Variants in L3MBTL4 observed in about 807,000 individuals in gnomAD.
The protein encoded by L3MBTL4 is lethal(3)malignant brain tumor-like protein 4.
L3MBTL4 carries 70 observed loss-of-function variants against 84.5 expected under a neutral mutation model. That is an observed-to-expected ratio of 0.83 (90% confidence interval 0.68 to 1.01). L3MBTL4 has a LOEUF of 1.01. Among genes scored for constraint, L3MBTL4 ranks in the 50% least tolerant of loss-of-function variants. The probability of loss-of-function intolerance (pLI) is 0.00; values close to 1 mark genes in which losing one functional copy is unlikely to be tolerated. For missense variants in L3MBTL4, 715 were observed against 754.8 expected, an observed-to-expected ratio of 0.95 and a Z score of 0.62; for synonymous variants, 274 against 259.8, an observed-to-expected ratio of 1.05 and a Z score of -0.52.
chr18:6,151,021 G>T (rs79026931), intron 13 of L3MBTL4, among the ~76,000 whole-genome samples: 1,554 of 152,240 alleles, frequency 0.01, 20 homozygotes, highest in Non-Finnish European at 0.015. Context: ...CAAGGTCAGA[G>T]GCCACAGACA....
chr18:6,268,946 A>T (rs1024435081), intron 4 of L3MBTL4, among the ~76,000 whole-genome samples: 2 of 152,174 alleles, frequency 1.3e-5, no homozygotes, highest in African/African-American at 2.4e-5. Flanking sequence ...AAGCTCATGG[A>T]GATCACACAG....
chr18:6,019,126 G>C (rs186405510), intron 16 of L3MBTL4, among the ~76,000 whole-genome samples: 3 of 152,302 alleles, frequency 2.0e-5, no homozygotes, highest in Admixed American at 2.0e-4. Flanking sequence ...ATGCATTTCT[G>C]CTGCTTCACG....
intron 1 of L3MBTL4, among the ~76,000 whole-genome samples, chr18:6,329,216 CG>C (rs2051892710): frequency 7.1e-6 from 1 of 140,742 alleles, no homozygotes; most frequent in Non-Finnish European, 1.5e-5. Flanking sequence ...TGCAGTGGTG[CG>C]ATCTCGGCTC....
At chr18:6,334,448 G>A (rs1362734279) in intron 1 of L3MBTL4, among the ~76,000 whole-genome samples, 2 of 151,998 alleles carry the variant, frequency 1.3e-5, no homozygotes, top group Non-Finnish European at 2.9e-5. Flanking sequence ...AGGTGACAAA[G>A]TTTTTTTAAA....
intron 5 of L3MBTL4, chr18:6,258,631 G>C (rs1599372917): frequency 6.6e-6 from 1 of 152,280 alleles, no homozygotes; most frequent in East Asian, 1.9e-4. Context: ...ATCAGATGGT[G>C]AGATTAAAGT....
At chr18:5,991,587 G>A (rs515938) in intron 16 of L3MBTL4, among the ~76,000 whole-genome samples, 3 of 151,948 alleles carry the variant, frequency 2.0e-5, no homozygotes, top group Admixed American at 6.6e-5. Context: ...TAACTAGAGC[G>A]AGGAAAGAGG....
At position 6,296,229 on chromosome 18, in the gene L3MBTL4, C is replaced by T. The variant is rs1181101321; in HGVS notation, c.127+5674G>A. On this transcript the variant is annotated intron_variant, in intron 4 of 18. Transcript: ENST00000317931. ...AGAATCATTTAATAAGCCATATCCC[C>T]CGGCACCAAAACTACTCCCTGATAA... 2.6e-5 allele frequency among the ~76,000 whole-genome samples: 4 copies of T among 152,152 alleles called. No homozygotes were observed. The East Asian group carries it at 7.7e-4, about 29-fold the overall frequency.
At chr18:6,145,588 T>TG (rs201200602) in intron 13 of L3MBTL4, among the ~76,000 whole-genome samples, 12 of 108,230 alleles carry the variant, frequency 1.1e-4, no homozygotes, top group Admixed American at 1.7e-4. Context: ...TTTAGCAAGT[T>TG]TTTTTTTTTT....
At chr18:6,207,188 T>A (rs977133232) in intron 12 of L3MBTL4, among the ~76,000 whole-genome samples, 5 of 152,186 alleles carry the variant, frequency 3.3e-5, no homozygotes, top group Admixed American at 1.3e-4. Context: ...CTCTGGCTGT[T>A]TTTGTGATGA....
At chr18:6,198,498 A>G (rs2045507371) in intron 12 of L3MBTL4, among the ~76,000 whole-genome samples, 4 of 152,172 alleles carry the variant, frequency 2.6e-5, no homozygotes, top group African/African-American at 9.7e-5. Flanking sequence ...TGTATAATGC[A>G]TATTTTTCAA....
At chr18:6,277,949 G>A (rs1362343968) in intron 4 of L3MBTL4, among the ~76,000 whole-genome samples, 2 of 152,092 alleles carry the variant, frequency 1.3e-5, no homozygotes, top group Non-Finnish European at 2.9e-5. Context: ...CTTATCATCT[G>A]TAAATATGCA....
intron 10 of L3MBTL4, among the ~76,000 whole-genome samples, chr18:6,219,571 C>G (rs1437705640): frequency 1.3e-5 from 2 of 149,386 alleles, no homozygotes; most frequent in East Asian, 4.0e-4. Flanking sequence ...AAATTAGGAT[C>G]AAGGAAGTAC....
intron 15 of L3MBTL4, among the ~76,000 whole-genome samples, chr18:6,085,672 C>A (rs1422600157): frequency 6.6e-6 from 1 of 152,192 alleles, no homozygotes; most frequent in African/African-American, 2.4e-5. Context: ...TTCCCCTTTG[C>A]CTTCCACCAT....
chr18:6,086,498 G>C (rs1403348323), intron 15 of L3MBTL4, among the ~76,000 whole-genome samples: 1 of 152,134 alleles, frequency 6.6e-6, no homozygotes, highest in African/African-American at 2.4e-5. Flanking sequence ...GGAAATACAA[G>C]ACTCTAGAGA....
intron 1 of L3MBTL4, among the ~76,000 whole-genome samples, chr18:6,392,115 C>T (rs559648246): frequency 5.9e-5 from 9 of 152,266 alleles, no homozygotes; most frequent in African/African-American, 2.2e-4. Context: ...TATAAGTCTA[C>T]AGTTACCAAA....
At chr18:5,973,252 T>C (rs1242539584) in intron 16 of L3MBTL4, among the ~76,000 whole-genome samples, 1 of 152,156 alleles carries the variant, frequency 6.6e-6, no homozygotes, top group African/African-American at 2.4e-5. Flanking sequence ...GACAGTGCAG[T>C]GGCCACTGAA....
intron 1 of L3MBTL4, among the ~76,000 whole-genome samples, chr18:6,404,637 G>A (rs1156442808): frequency 1.3e-5 from 2 of 152,186 alleles, no homozygotes; most frequent in Non-Finnish European, 2.9e-5. Flanking sequence ...AAAATGTCAA[G>A]AAGGTCAGTA....
intron 16 of L3MBTL4, chr18:6,031,354 A>T (rs2145605333): frequency 1.0e-6 from 1 of 985,376 alleles, no homozygotes; most frequent in East Asian, 1.1e-4. Flanking sequence ...GCCTTCCTTC[A>T]CCTTATTGTA....
chr18:6,356,522 G>T (rs924176432), intron 1 of L3MBTL4, among the ~76,000 whole-genome samples: 3 of 152,234 alleles, frequency 2.0e-5, no homozygotes, highest in African/African-American at 7.2e-5. Flanking sequence ...ACTGGGTAGA[G>T]CCTACTACAC....
Sources: allele counts gnomAD v4.1 joint callset (sites outside exome capture counted in the v4.1 genomes callset), GRCh38; gene constraint gnomAD v4.1.1; transcripts MANE v1.5; gene names NCBI Gene and HGNC (gene_info 2026-07-23, HGNC 2026-07-21).